SHC3: variants seen among roughly 807,000 people sequenced by gnomAD.
SHC3 encodes SHC-transforming protein 3.
Under a neutral mutation model 60.4 loss-of-function variants are expected in SHC3, and 15 were observed. The observed-to-expected ratio is 0.25, with a 90% CI of 0.17 to 0.38. The LOEUF (loss-of-function observed/expected upper bound fraction) is 0.38. Among genes scored for constraint, SHC3 ranks in the 10% least tolerant of loss-of-function variants. The probability of loss-of-function intolerance (pLI) is 1.00; values close to 1 mark genes in which losing one functional copy is unlikely to be tolerated. For missense variants in SHC3, 677 were observed against 786.1 expected (o/e 0.86, Z 1.66); for synonymous variants, 294 against 325.9 (o/e 0.90, Z 1.05).
chr9:89,115,405 C>G (rs1189408612), intron 1 of SHC3, among the ~76,000 whole-genome samples: 1 of 152,116 alleles, frequency 6.6e-6, no homozygotes, highest in East Asian at 1.9e-4. Flanking sequence ...GTTATGGGAA[C>G]ACCACATTCA....
At chr9:89,104,692 C>T (rs560785976) in intron 2 of SHC3, among the ~76,000 whole-genome samples, 5 of 152,296 alleles carry the variant, frequency 3.3e-5, no homozygotes, top group African/African-American at 1.2e-4. Context: ...GGTAGCAGGA[C>T]CACCTTGGGG....
Position 89,006,034 on chromosome 9 carries a change from G to T in SHC3, c.*7413C>A, listed in dbSNP as rs1230777477. The T allele has an allele frequency of 2.0e-5, 3 of 152,206 alleles. No individual in the cohort carries two copies. The highest frequency in any genetic ancestry group is 2.9e-5 in the Non-Finnish European group (2 of 68,040). The allele number at this position is 152,206 out of a possible 1,614,324, so 9.4% of individuals were successfully genotyped here. A position where few individuals can be genotyped will look rare whatever the true frequency, so the allele number is the denominator to read the frequency against. ...ATCTAAGTCAGATATCCAAAAGTTA[G>T]CTCCATAATCAGAAATGCGCACACC... is the stretch of plus-strand genomic sequence containing the variant. On this transcript the variant is annotated 3_prime_UTR_variant, in exon 12 of 12. Transcript: ENST00000375835.
At chr9:89,129,818 G>C (rs1826218058) in intron 1 of SHC3, among the ~76,000 whole-genome samples, 1 of 152,174 alleles carries the variant, frequency 6.6e-6, no homozygotes, top group East Asian at 1.9e-4. Context: ...AAATTGTAAA[G>C]ACCATCAATG....
intron 11 of SHC3, among the ~76,000 whole-genome samples, chr9:89,022,174 C>T (rs1826212030): frequency 6.6e-6 from 1 of 152,046 alleles, no homozygotes; most frequent in Non-Finnish European, 1.5e-5. Context: ...AGCCAAGACC[C>T]AGGGCAGGAA....
At chr9:89,168,464 CAAA>C (rs535409985) in intron 1 of SHC3, among the ~76,000 whole-genome samples, 3 of 141,992 alleles carry the variant, frequency 2.1e-5, no homozygotes, top group Non-Finnish European at 4.6e-5. Flanking sequence ...AACTCTGTCT[CAAA>C]AAAAAAAAGT....
At chr9:89,134,325 A>C (rs1212655979) in intron 1 of SHC3, among the ~76,000 whole-genome samples, 2 of 152,120 alleles carry the variant, frequency 1.3e-5, no homozygotes, top group African/African-American at 4.8e-5. Flanking sequence ...TTTATTAAAA[A>C]ATTAATTGTT....
chr9:89,172,006 A>G (rs1388504396), intron 1 of SHC3, among the ~76,000 whole-genome samples: 1 of 152,280 alleles, frequency 6.6e-6, no homozygotes, highest in African/African-American at 2.4e-5. Flanking sequence ...GATGCTCGCC[A>G]GCCAAGAAGA....
intron 2 of SHC3, among the ~76,000 whole-genome samples, chr9:89,096,524 G>T (rs1825704108): frequency 6.6e-6 from 1 of 152,184 alleles, no homozygotes; most frequent in Non-Finnish European, 1.5e-5. Flanking sequence ...TGAAGGGCAC[G>T]AGATTTTTGT....
At chr9:89,064,126 C>G (rs1035639635) in intron 6 of SHC3, among the ~76,000 whole-genome samples, 1 of 152,172 alleles carries the variant, frequency 6.6e-6, no homozygotes, top group Non-Finnish European at 1.5e-5. Context: ...CAAGGCTTCC[C>G]CCTCATGACC....
intron 11 of SHC3, among the ~76,000 whole-genome samples, chr9:89,037,090 G>A (rs1422223698): frequency 6.6e-6 from 1 of 152,118 alleles, no homozygotes; most frequent in Non-Finnish European, 1.5e-5. Context: ...CTTCTGCAGA[G>A]ACAGAAAGGG....
intron 1 of SHC3, among the ~76,000 whole-genome samples, chr9:89,114,620 T>C (rs1390788318): frequency 6.6e-6 from 1 of 152,148 alleles, no homozygotes; most frequent in Non-Finnish European, 1.5e-5. Flanking sequence ...TGGATTTTGG[T>C]ATCCTAGAGG....
At chr9:89,140,110 A>C (rs1026617486) in intron 1 of SHC3, among the ~76,000 whole-genome samples, 1 of 152,230 alleles carries the variant, frequency 6.6e-6, no homozygotes, top group African/African-American at 2.4e-5. Flanking sequence ...TTCTGACAAA[A>C]TGCTTGATTT....
At chr9:89,139,110 T>C (rs1169400332) in intron 1 of SHC3, among the ~76,000 whole-genome samples, 1 of 152,198 alleles carries the variant, frequency 6.6e-6, no homozygotes, top group Non-Finnish European at 1.5e-5. Flanking sequence ...TATGGGATTG[T>C]TAGCTGATTC....
chr9:89,079,282 G>A (rs1307956983), intron 2 of SHC3, among the ~76,000 whole-genome samples: 2 of 152,154 alleles, frequency 1.3e-5, no homozygotes, highest in African/African-American at 4.8e-5. Flanking sequence ...ATTAAAGAAG[G>A]TCAAATTGTC....
Position 89,035,855 on chromosome 9 carries a change from GTGTGT to G in SHC3, c.1656+2133_1656+2137del, listed in dbSNP as rs1270955458. Among the ~76,000 whole-genome samples, 116 of 97,710 alleles carry G rather than the reference GTGTGT, an allele frequency of 1.2e-3. 2 individuals are homozygous for G. The highest frequency in any genetic ancestry group is 4.2e-3 in the African/African-American group (111 of 26,550). 64.1% of individuals were successfully genotyped at this position (97,710 alleles called of 152,430 possible). On this transcript the variant is annotated intron_variant, in intron 11 of 11. Coordinates refer to ENST00000375835, the MANE Select transcript of SHC3 (RefSeq NM_016848.6). ...AATATATATATATATATATAGATGT[GTGTGT>G]GTGTGTGTGTGTGTGTGTGTGTGTG...
Position 89,100,445 on chromosome 9 carries a change from C to T in SHC3, c.545+12111G>A, listed in dbSNP as rs116368255. On this transcript the variant is annotated intron_variant, in intron 2 of 11. Transcript: ENST00000375835. ...CAAAGATAGGGGTCTCACTATGTTG[C>T]GCAGGTTGGTCTCAAACTCCCGGCC... is the stretch of plus-strand genomic sequence containing the variant. Among the ~76,000 whole-genome samples, 1,148 of 152,134 alleles carry T rather than the reference C, an allele frequency of 7.5e-3. 19 individuals are homozygous for T. Among genetic ancestry groups the T allele is most frequent in the African/African-American group, 0.026 (1,087 of 41,514 alleles).
chr9:89,124,819 C>T (rs1826141435), intron 1 of SHC3, among the ~76,000 whole-genome samples: 1 of 150,794 alleles, frequency 6.6e-6, no homozygotes, highest in African/African-American at 2.4e-5. Flanking sequence ...AAAACCTGCA[C>T]ATTCAGCACA....
At chr9:89,154,387 A>C (rs1826591958) in intron 1 of SHC3, among the ~76,000 whole-genome samples, 1 of 152,034 alleles carries the variant, frequency 6.6e-6, no homozygotes, top group African/African-American at 2.4e-5. Flanking sequence ...GGTGAAGCCA[A>C]CTCTGAGCCG....
intron 7 of SHC3, among the ~76,000 whole-genome samples, chr9:89,049,511 T>C (rs1824828359): frequency 6.6e-6 from 1 of 152,258 alleles, no homozygotes; most frequent in African/African-American, 2.4e-5. Context: ...ATAGCATTTA[T>C]TTGGCTTTTA....
Sources: gnomAD v4.1 joint callset for allele counts (sites outside exome capture counted in the v4.1 genomes callset) on GRCh38, gnomAD v4.1.1 for gene constraint, MANE v1.5 for transcripts, NCBI Gene and HGNC (gene_info 2026-07-23, HGNC 2026-07-21) for gene names.